SMARCA5: variants seen among roughly 807,000 people sequenced by gnomAD.
SMARCA5 encodes SNF2 related chromatin remodeling ATPase 5, also known as SWI/SNF-related matrix-associated actin-dependent regulator of chromatin subfamily A member 5.
Under a neutral mutation model 140.4 loss-of-function variants are expected in SMARCA5, and 18 were observed. The observed-to-expected ratio is 0.13, with a 90% CI of 0.09 to 0.19. The LOEUF is 0.19. SMARCA5 is among the 10% of genes least tolerant of loss of function. SMARCA5 has a pLI of 1.00. For missense variants in SMARCA5, 606 were observed against 1,276.8 expected (o/e 0.47, Z 8.01); for synonymous variants, 449 against 419.6 (o/e 1.07, Z -0.86).
At chr4:143,526,695 A>G (rs1737080576) in intron 6 of SMARCA5, among the ~76,000 whole-genome samples, 1 of 152,096 alleles carries the variant, frequency 6.6e-6, no homozygotes, top group African/African-American at 2.4e-5. Context: ...CCCCGTTTCT[A>G]CTAAAAACTC....
In SMARCA5 at chr4:143,527,981, A is replaced by C; in HGVS notation, c.915A>C (p.Leu305Phe). Residue 305 changes from leucine (L) to phenylalanine (F), a missense_variant, in exon 7 of 24, where the codon TTA (leucine) becomes TTC (phenylalanine). Physicochemically the swap from Leu to Phe is conservative, Grantham distance 22. Coordinates refer to ENST00000283131, the MANE Select transcript of SMARCA5 (RefSeq NM_003601.4). ...TCAAAAAATTTAATTGGAGATACTTAGTAATAGATGAAGCTCACAGGATCA... is the reference window on the plus strand; with the variant it reads ...TCAAAAAATTTAATTGGAGATACTTCGTAATAGATGAAGCTCACAGGATCA... ...SVFKKFNWRYLVIDEAHRIKN... is the reference protein window; with the variant it reads ...SVFKKFNWRYFVIDEAHRIKN... 6.3e-7 allele frequency: 1 copy of C among 1,587,956 alleles called. No homozygotes were observed. The highest frequency in any genetic ancestry group is 8.5e-7 in the Non-Finnish European group (1 of 1,172,018).
chr4:143,549,773 A>C (rs1407544449), intron 22 of SMARCA5, among the ~76,000 whole-genome samples: 1 of 152,108 alleles, frequency 6.6e-6, no homozygotes, highest in Admixed American at 6.6e-5. Flanking sequence ...TGAAGAATAC[A>C]CAGTAGTTTG....
Position 143,555,997 on chromosome 4 carries a change from TAA to T in SMARCA5, c.*2815_*2816del, listed in dbSNP as rs887684268. 2.6e-5 allele frequency: 4 copies of T among 152,190 alleles called. No individual in the cohort carries two copies. The highest frequency in any genetic ancestry group is 9.7e-5 in the African/African-American group (4 of 41,432). The allele number at this position is 152,190 out of a possible 1,614,324, so 9.4% of individuals were successfully genotyped here. A position where few individuals can be genotyped will look rare whatever the true frequency, so the allele number is the denominator to read the frequency against. ...CACCTGGCCTACATTTTGTTTTTCATAAAGTTGAGAGAAGCAAATCCTAAGCA... is the reference window on the plus strand; with the variant it reads ...CACCTGGCCTACATTTTGTTTTTCATAGTTGAGAGAAGCAAATCCTAAGCA... On this transcript the variant is annotated 3_prime_UTR_variant, in exon 24 of 24. Transcript: ENST00000283131.
intron 14 of SMARCA5, among the ~76,000 whole-genome samples, chr4:143,541,611 C>T (rs1737426798): frequency 6.6e-6 from 1 of 152,134 alleles, no homozygotes; most frequent in Non-Finnish European, 1.5e-5. Flanking sequence ...GAGATAAAGG[C>T]TTTTGAGAGG....
intron 2 of SMARCA5, among the ~76,000 whole-genome samples, chr4:143,518,748 C>T (rs559830657): frequency 3.9e-5 from 6 of 152,086 alleles, no homozygotes; most frequent in Non-Finnish European, 8.8e-5. Flanking sequence ...GTAACTGTCA[C>T]CTTTTTTGCT....
rs928209780 is a variant in SMARCA5 at position 143,555,555 on chromosome 4, TACTG to T, written c.*2373_*2376del. 7 of 349,726 alleles carry T rather than the reference TACTG, an allele frequency of 2.0e-5. No individual in the cohort carries two copies. Among genetic ancestry groups the T allele is most frequent in the African/African-American group, 1.5e-4 (7 of 47,038 alleles). 21.7% of individuals were successfully genotyped at this position (349,726 alleles called of 1,614,324 possible). A position where few individuals can be genotyped will look rare whatever the true frequency, so the allele number is the denominator to read the frequency against. The stretch of plus-strand genomic sequence containing the variant: ...AAATGTTTTAATAATCTGATCATGA[TACTG>T]AATAAATGTCTTTTTTTTTTTTTAA... On this transcript the variant is annotated 3_prime_UTR_variant, in exon 24 of 24. Transcript: ENST00000283131.
Position 143,554,858 on chromosome 4 carries a change from A to G in SMARCA5, c.*1674A>G, listed in dbSNP as rs899808340. On this transcript the variant is annotated 3_prime_UTR_variant, in exon 24 of 24. Coordinates refer to ENST00000283131, the MANE Select transcript of SMARCA5 (RefSeq NM_003601.4). Reference sequence around the variant, plus strand: ...GAGGAGGAGAAACTGGGAGGGAGATACACAGTGGAAATGCAAAATGAATCA... The same window carrying G: ...GAGGAGGAGAAACTGGGAGGGAGATGCACAGTGGAAATGCAAAATGAATCA... The G allele has an allele frequency of 2.3e-5, 5 of 216,844 alleles. No individual in the cohort carries two copies. The East Asian group carries it at 5.1e-4, about 22-fold the overall frequency. 13.4% of individuals were successfully genotyped at this position (216,844 alleles called of 1,614,324 possible).
At chr4:143,538,981 CGTTA>C (rs1277635728) in intron 13 of SMARCA5, 43 bp downstream of exon 13, 6 of 1,551,042 alleles carry the variant, frequency 3.9e-6, no homozygotes, top group East Asian at 2.2e-5. Context: ...TAGTAGATGG[CGTTA>C]GTTAGGACAG....
At chr4:143,537,786 C>T (rs927373693) in intron 11 of SMARCA5, among the ~76,000 whole-genome samples, 9 of 151,940 alleles carry the variant, frequency 5.9e-5, no homozygotes, top group African/African-American at 2.2e-4. Context: ...GGCATGGTGG[C>T]ATGCACCTGT....
intron 2 of SMARCA5, among the ~76,000 whole-genome samples, chr4:143,518,631 T>C (rs1477426111): frequency 6.6e-6 from 1 of 152,162 alleles, no homozygotes; most frequent in Non-Finnish European, 1.5e-5. Context: ...AATTATGGTA[T>C]GTATTTTATG....
chr4:143,540,108 C>T (rs1737398779), intron 13 of SMARCA5, among the ~76,000 whole-genome samples: 1 of 151,914 alleles, frequency 6.6e-6, no homozygotes, highest in Non-Finnish European at 1.5e-5. Flanking sequence ...GAATTTAAAC[C>T]TAGGAAAAAA....
intron 22 of SMARCA5, among the ~76,000 whole-genome samples, chr4:143,549,006 A>G (rs758450242): frequency 2.6e-5 from 4 of 152,228 alleles, no homozygotes; most frequent in South Asian, 2.1e-4. Flanking sequence ...CTTTGAAGAT[A>G]AAACACTGTA....
At chr4:143,520,901 A>G (rs1236812155) in intron 2 of SMARCA5, among the ~76,000 whole-genome samples, 4 of 152,188 alleles carry the variant, frequency 2.6e-5, no homozygotes, top group Non-Finnish European at 5.9e-5. Flanking sequence ...ATCAATCCCA[A>G]TACCGTTTTA....
chr4:143,555,534 G>T lies in SMARCA5; in HGVS notation c.*2350G>T. Reference sequence around the variant, plus strand: ...GTACCCATGCTGTTGATTGCTAAATGTTTTAATAATCTGATCATGATACTG... The same window carrying T: ...GTACCCATGCTGTTGATTGCTAAATTTTTTAATAATCTGATCATGATACTG... On this transcript the variant is annotated 3_prime_UTR_variant, in exon 24 of 24. Coordinates refer to ENST00000283131, the MANE Select transcript of SMARCA5 (RefSeq NM_003601.4). The T allele has an allele frequency of 6.2e-5, 23 of 368,156 alleles. No individual in the cohort carries two copies. The highest frequency in any genetic ancestry group is 8.6e-5 in the Non-Finnish European group (17 of 197,192). The allele number at this position is 368,156 out of a possible 1,614,324, so 22.8% of individuals were successfully genotyped here.
intron 16 of SMARCA5, among the ~76,000 whole-genome samples, 189 bp from the exon 17 acceptor site, chr4:143,544,548 T>A (rs1474878921): frequency 2.6e-5 from 4 of 152,374 alleles, no homozygotes; most frequent in African/African-American, 7.2e-5. Flanking sequence ...ATGCTTACTC[T>A]GTTGACTAGA....
intron 14 of SMARCA5, among the ~76,000 whole-genome samples, chr4:143,540,959 C>T (rs1310948478): frequency 1.3e-5 from 2 of 152,156 alleles, no homozygotes; most frequent in African/African-American, 4.8e-5. Flanking sequence ...TGAGTACCCA[C>T]CAGATGCTAG....
chr4:143,525,712 T>G (rs758865121), intron 5 of SMARCA5, among the ~76,000 whole-genome samples, 161 bp downstream of exon 5: 7 of 152,230 alleles, frequency 4.6e-5, no homozygotes, highest in Non-Finnish European at 1.0e-4. Context: ...TGTATTTTAA[T>G]TGTGAGAAAT....
Position 143,530,464 on chromosome 4 carries a change from G to T in SMARCA5, c.1096G>T (p.Asp366Tyr). ...TTTTTGTTTGTTTATCTAGGACTTT[G>T]ATTCCTGGTTTGATACAAACAACTG... is the stretch of plus-strand genomic sequence containing the variant. ...PDVFNSADDF[D>Y]SWFDTNNCLG... The change falls in exon 9 of 24, where the codon GAT becomes TAT. Residue 366 changes from aspartate (D) to tyrosine (Y), a missense_variant. Transcript: ENST00000283131. The T allele has an allele frequency of 1.2e-6, 2 of 1,610,072 alleles. No individual in the cohort carries two copies. Among genetic ancestry groups the T allele is most frequent in the South Asian group, 2.2e-5 (2 of 90,622 alleles).
chr4:143,528,439 G>A (rs1278781260), intron 7 of SMARCA5, 144 bp from the exon 8 acceptor site: 13 of 615,550 alleles, frequency 2.1e-5, no homozygotes, highest in Non-Finnish European at 3.3e-5. Context: ...TTATGGCTGC[G>A]TACTATTCGC....
Sources: allele counts gnomAD v4.1 joint callset (sites outside exome capture counted in the v4.1 genomes callset), GRCh38; gene constraint gnomAD v4.1.1; transcripts MANE v1.5; gene names NCBI Gene and HGNC (gene_info 2026-07-23, HGNC 2026-07-21).